The following ROBO1 variants were observed in gnomAD, a reference collection of about 807,000 sequenced individuals.
ROBO1 encodes roundabout guidance receptor 1.
A neutral mutation model predicts 195.9 loss-of-function variants in ROBO1; 149 were observed. That is an observed-to-expected ratio of 0.76 (90% CI 0.67 to 0.87). The LOEUF is 0.87. ROBO1 is among the 40% of genes least tolerant of loss of function. ROBO1 has a pLI of 0.00. For synonymous variants in ROBO1, 816 were observed against 733.2 expected, an observed-to-expected ratio of 1.11 and a Z score of -1.82; for missense variants, 1,933 against 2,068.3, an observed-to-expected ratio of 0.93 and a Z score of 1.27.
chr3:79,732,930 C>T (rs947653638), intron 1 of ROBO1, among the ~76,000 whole-genome samples: 1 of 152,052 alleles, frequency 6.6e-6, no homozygotes, highest in African/African-American at 2.4e-5. Flanking sequence ...TTTTCCATAT[C>T]TCAATCATGA....
intron 2 of ROBO1, among the ~76,000 whole-genome samples, chr3:79,300,189 G>A (rs959736630): frequency 2.0e-5 from 3 of 152,158 alleles, no homozygotes; most frequent in Non-Finnish European, 4.4e-5. Context: ...AGGCCGAGCC[G>A]GCTCCCTCAG....
intron 2 of ROBO1, among the ~76,000 whole-genome samples, chr3:79,450,648 A>T (rs1251529625): frequency 6.6e-6 from 1 of 152,054 alleles, no homozygotes. Flanking sequence ...CTGTTATGAA[A>T]ATGCTATTCT....
chr3:79,504,887 G>A (rs959293591), intron 2 of ROBO1, among the ~76,000 whole-genome samples: 15 of 152,108 alleles, frequency 9.9e-5, no homozygotes, highest in Non-Finnish European at 2.2e-4. Context: ...GTGTATGTAT[G>A]CGGAGATACT....
chr3:78,919,816 C>G (rs2038837392), intron 4 of ROBO1, among the ~76,000 whole-genome samples: 1 of 152,098 alleles, frequency 6.6e-6, no homozygotes, highest in South Asian at 2.1e-4. Context: ...TCCTTTTAGC[C>G]CATCTCAAAT....
chr3:78,997,217 A>G (rs182860599), intron 3 of ROBO1, among the ~76,000 whole-genome samples: 134 of 152,298 alleles, frequency 8.8e-4, no homozygotes, highest in African/African-American at 3.1e-3. Flanking sequence ...AGGAATAAGC[A>G]TCGCACATTT....
intron 2 of ROBO1, among the ~76,000 whole-genome samples, chr3:79,495,042 T>C (rs1393108787): frequency 7.9e-5 from 12 of 152,124 alleles, no homozygotes; most frequent in Admixed American, 7.9e-4. Context: ...GATAGATAGA[T>C]AATTTGTTTA....
intron 2 of ROBO1, among the ~76,000 whole-genome samples, chr3:79,421,980 T>C (rs977470159): frequency 6.6e-6 from 1 of 151,632 alleles, no homozygotes; most frequent in Non-Finnish European, 1.5e-5. Flanking sequence ...TACATTTTTA[T>C]ATCCACTCTG....
At chr3:79,324,698 G>A (rs1231647588) in intron 2 of ROBO1, among the ~76,000 whole-genome samples, 1 of 152,142 alleles carries the variant, frequency 6.6e-6, no homozygotes, top group Non-Finnish European at 1.5e-5. Flanking sequence ...ACTCAAGAGA[G>A]AACAGACCAG....
At chr3:79,613,806 A>G (rs1204336278) in intron 1 of ROBO1, among the ~76,000 whole-genome samples, 1 of 152,062 alleles carries the variant, frequency 6.6e-6, no homozygotes, top group Non-Finnish European at 1.5e-5. Flanking sequence ...CACATAATTG[A>G]CTAAAAGTAA....
intron 14 of ROBO1, among the ~76,000 whole-genome samples, chr3:78,662,778 T>C (rs901078382): frequency 2.6e-5 from 4 of 152,180 alleles, no homozygotes; most frequent in African/African-American, 9.7e-5. Flanking sequence ...AGTTATTGTA[T>C]CATAGTAAAG....
intron 4 of ROBO1, among the ~76,000 whole-genome samples, chr3:78,774,461 C>A (rs1443833826): frequency 6.6e-6 from 1 of 152,210 alleles, no homozygotes; most frequent in Admixed American, 6.5e-5. Context: ...CAGGCGCCTG[C>A]CACCACGCCC....
intron 1 of ROBO1, among the ~76,000 whole-genome samples, chr3:79,687,266 A>C (rs1335007789): frequency 9.7e-6 from 1 of 103,184 alleles, no homozygotes; most frequent in East Asian, 2.8e-4. Context: ...TAAAAACCCT[A>C]GAAGAAAACC....
At chr3:78,903,915 G>T (rs2037738007) in intron 4 of ROBO1, among the ~76,000 whole-genome samples, 1 of 151,740 alleles carries the variant, frequency 6.6e-6, no homozygotes, top group African/African-American at 2.4e-5. Context: ...AAGTGATTGG[G>T]GTAAGTTAAC....
At chr3:79,101,255 G>A (rs1397901253) in intron 3 of ROBO1, among the ~76,000 whole-genome samples, 1 of 151,702 alleles carries the variant, frequency 6.6e-6, no homozygotes, top group East Asian at 1.9e-4. Flanking sequence ...AAATTTGGTG[G>A]CCAAGCCATG....
At chr3:78,953,293 T>C (rs1460783329) in intron 3 of ROBO1, among the ~76,000 whole-genome samples, 1 of 152,080 alleles carries the variant, frequency 6.6e-6, no homozygotes, top group Non-Finnish European at 1.5e-5. Context: ...GAGTTCATTC[T>C]TCCTATTTGC....
At chr3:79,001,880 A>G (rs2077513453) in intron 3 of ROBO1, among the ~76,000 whole-genome samples, 1 of 152,104 alleles carries the variant, frequency 6.6e-6, no homozygotes, top group Non-Finnish European at 1.5e-5. Flanking sequence ...GATAACATAA[A>G]CTTATTTAAT....
At chr3:78,685,019 C>G (rs2081020069) in intron 10 of ROBO1, among the ~76,000 whole-genome samples, 1 of 152,036 alleles carries the variant, frequency 6.6e-6, no homozygotes, top group African/African-American at 2.4e-5. Flanking sequence ...TCCCTTGCCA[C>G]TGTCATGGCT....
intron 1 of ROBO1, among the ~76,000 whole-genome samples, chr3:79,704,335 C>A (rs767038305): frequency 6.6e-6 from 1 of 151,940 alleles, no homozygotes; most frequent in African/African-American, 2.4e-5. Context: ...ACCCCTCTAC[C>A]TATTCATGTC....
intron 2 of ROBO1, among the ~76,000 whole-genome samples, chr3:79,424,045 T>C (rs910669515): frequency 1.3e-5 from 2 of 152,090 alleles, no homozygotes; most frequent in African/African-American, 4.8e-5. Context: ...ACATCATATT[T>C]ACTCTTGTAG....
Sources: gnomAD v4.1 joint callset for allele counts (sites outside exome capture counted in the v4.1 genomes callset) on GRCh38, gnomAD v4.1.1 for gene constraint, MANE v1.5 for transcripts, NCBI Gene and HGNC (gene_info 2026-07-23, HGNC 2026-07-21) for gene names.